The following DRC5 variants were observed in gnomAD, a reference collection of about 807,000 sequenced individuals.
DRC5 encodes dynein regulatory complex subunit 5.
chr6:44,285,405 T>C, the DRC5 span, among the ~76,000 whole-genome samples: 41 of 152,304 alleles, frequency 2.7e-4, no homozygotes, highest in East Asian at 7.7e-3. Context: ...TTCAAAATTT[T>C]TGGAGACAGG....
At chr6:44,282,284 G>A in the DRC5 span, 16 of 1,614,254 alleles carry the variant, frequency 9.9e-6, no homozygotes, top group South Asian at 3.3e-5. Flanking sequence ...CCTCATCCTC[G>A]ATGCAGTTGA....
the DRC5 span, chr6:44,282,684 C>T: frequency 1.4e-6 from 1 of 715,726 alleles, no homozygotes; most frequent in Non-Finnish European, 2.3e-6. Context: ...GGGGGCCAGG[C>T]CTACCAGCAT....
the DRC5 span, chr6:44,279,748 GGTGTGT>G: frequency 0.24 from 31,947 of 135,114 alleles, 3,759 homozygotes; most frequent in East Asian, 0.36. Flanking sequence ...GTAGCCAGAG[GGTGTGT>G]GTGTGTGTGT....
At chr6:44,281,604 C>T in the DRC5 span, among the ~76,000 whole-genome samples, 147 of 152,300 alleles carry the variant, frequency 9.7e-4, 1 homozygote, top group African/African-American at 2.3e-3. Context: ...AGACTGGTCT[C>T]GAACTCCTGG....
At chr6:44,281,664 C>T in the DRC5 span, among the ~76,000 whole-genome samples, 1 of 152,190 alleles carries the variant, frequency 6.6e-6, no homozygotes, top group African/African-American at 2.4e-5. Flanking sequence ...GGATTACAGG[C>T]GTGAGCCACT....
chr6:44,282,394 C>T, the DRC5 span: 1 of 1,614,162 alleles, frequency 6.2e-7, no homozygotes, highest in Admixed American at 1.7e-5. Context: ...AGGTTGAGCA[C>T]ACGCAGGCGG....
At chr6:44,289,482 T>C in the DRC5 span, among the ~76,000 whole-genome samples, 1 of 152,164 alleles carries the variant, frequency 6.6e-6, no homozygotes, top group Non-Finnish European at 1.5e-5. Flanking sequence ...ACATTGAGCC[T>C]ACCGTTTCAA....
At chr6:44,290,782 T>C in the DRC5 span, among the ~76,000 whole-genome samples, 3 of 152,226 alleles carry the variant, frequency 2.0e-5, no homozygotes, top group East Asian at 1.9e-4. Context: ...GTTGACTCTT[T>C]AGTCATTCCT....
chr6:44,287,809 G>C, the DRC5 span: 1 of 1,613,940 alleles, frequency 6.2e-7, no homozygotes, highest in Non-Finnish European at 8.5e-7. Flanking sequence ...TGCTGATGTC[G>C]TTACGGTATC....
chr6:44,284,850 A>G, the DRC5 span, among the ~76,000 whole-genome samples: 1 of 152,336 alleles, frequency 6.6e-6, no homozygotes, highest in Non-Finnish European at 1.5e-5. Flanking sequence ...GGTAATCTGC[A>G]TGTCCACTGC....
At chr6:44,286,249 G>C in the DRC5 span, 1 of 1,612,592 alleles carries the variant, frequency 6.2e-7, no homozygotes, top group African/African-American at 1.3e-5. Flanking sequence ...CCCTGCGCAC[G>C]TAATTCCGGC....
chr6:44,286,380 C>T, the DRC5 span: 1 of 1,614,096 alleles, frequency 6.2e-7, no homozygotes, highest in Non-Finnish European at 8.5e-7. Flanking sequence ...TGGTGGGCCA[C>T]GTGGCACACG....
At chr6:44,285,951 G>A in the DRC5 span, 2 of 1,603,190 alleles carry the variant, frequency 1.2e-6, no homozygotes, top group Non-Finnish European at 1.7e-6. Context: ...GGAAGGCTGG[G>A]AGCAGACAGT....
chr6:44,289,709 C>T, the DRC5 span, among the ~76,000 whole-genome samples: 2 of 152,250 alleles, frequency 1.3e-5, no homozygotes, highest in South Asian at 4.1e-4. Flanking sequence ...GGCGAGAAGA[C>T]AGCTAAATCT....
At chr6:44,286,281 T>G in the DRC5 span, 16 of 1,612,994 alleles carry the variant, frequency 9.9e-6, no homozygotes, top group Non-Finnish European at 6.8e-6. Context: ...AGGTCGAGGA[T>G]CACCGCAGGG....
At chr6:44,283,095 C>T in the DRC5 span, among the ~76,000 whole-genome samples, 2 of 152,040 alleles carry the variant, frequency 1.3e-5, no homozygotes, top group African/African-American at 4.8e-5. Context: ...AGCCACCGCG[C>T]CCGGCCGCTT....
At chr6:44,286,446 C>A in the DRC5 span, 1 of 1,614,164 alleles carries the variant, frequency 6.2e-7, no homozygotes, top group East Asian at 2.2e-5. Flanking sequence ...ATCAGGTTGG[C>A]GGTCACAGCC....
the DRC5 span, among the ~76,000 whole-genome samples, chr6:44,289,961 G>C: frequency 6.6e-6 from 1 of 152,200 alleles, no homozygotes; most frequent in Non-Finnish European, 1.5e-5. Context: ...CTTGGCAGAG[G>C]GAGGGACCAG....
chr6:44,297,369 C>T, the DRC5 span, among the ~76,000 whole-genome samples: 1 of 152,250 alleles, frequency 6.6e-6, no homozygotes, highest in Non-Finnish European at 1.5e-5. Flanking sequence ...TCTTCCCAGT[C>T]CCTCCCCTCG....
Sources: allele counts gnomAD v4.1 joint callset (sites outside exome capture counted in the v4.1 genomes callset), GRCh38; gene constraint gnomAD v4.1.1; transcripts MANE v1.5; gene names NCBI Gene and HGNC (gene_info 2026-07-23, HGNC 2026-07-21).